COL4A5: variants seen among roughly 807,000 people sequenced by gnomAD.
The protein encoded by COL4A5 is collagen type IV alpha 5 chain, also known as collagen alpha-5(IV) chain.
COL4A5 carries 26 observed loss-of-function variants against 130.2 expected under a neutral mutation model. That is an observed-to-expected ratio of 0.20 (90% CI 0.15 to 0.28). COL4A5 has a LOEUF of 0.28. COL4A5 is among the 10% of genes least tolerant of loss of function. The pLI is 1.00. For synonymous variants in COL4A5, 496 were observed against 439.6 expected (o/e 1.13, Z -1.60); for missense variants, 1,131 against 1,344.3 (o/e 0.84, Z 2.48).
rs764505854 is a variant in COL4A5 at position 108,453,424 on chromosome X, C to T, written c.81+13218C>T. Among the ~76,000 whole-genome samples the T allele has an allele frequency of 6.3e-5, 7 of 111,559 alleles. No homozygotes were observed. In the South Asian group the frequency reaches 2.6e-3, roughly 42 times the overall value. ...ATCTACAAAAAAAGTAAAATAATCTCTCTTCCCACTATTTTTTTTTGTTTT... is the reference window on the plus strand; with the variant it reads ...ATCTACAAAAAAAGTAAAATAATCTTTCTTCCCACTATTTTTTTTTGTTTT... On this transcript the variant is annotated intron_variant, in intron 1 of 52. Coordinates refer to ENST00000328300, the MANE Select transcript of COL4A5 (RefSeq NM_033380.3).
chrX:108,610,485 C>T (rs1270767764), intron 29 of COL4A5, among the ~76,000 whole-genome samples: 10 of 111,966 alleles, frequency 8.9e-5, no homozygotes, highest in Non-Finnish European at 1.9e-5. Flanking sequence ...AACTGTAACA[C>T]TCAAAGTTAC....
chrX:108,596,622 C>T (rs2066520873), intron 22 of COL4A5, among the ~76,000 whole-genome samples: 1 of 111,753 alleles, frequency 8.9e-6, no homozygotes, highest in African/African-American at 3.3e-5. Flanking sequence ...TAAGTCAGAA[C>T]AAAGATATTC....
intron 1 of COL4A5, among the ~76,000 whole-genome samples, chrX:108,459,786 C>T (rs1165478657): frequency 2.7e-5 from 3 of 111,834 alleles, no homozygotes; most frequent in Non-Finnish European, 3.8e-5. Flanking sequence ...ATCTATTTAA[C>T]TATAGCATAG....
Position 108,577,100 on chromosome X carries a change from G to C in COL4A5, c.610-852G>C, listed in dbSNP as rs145916673. ...AAATGCCACCAAGAGGCCAGGTGCT[G>C]TGGCTCATGCCTGTAATCCCGGCAC... On this transcript the variant is annotated intron_variant, in intron 10 of 52. Coordinates refer to ENST00000328300, the MANE Select transcript of COL4A5 (RefSeq NM_033380.3). Among the ~76,000 whole-genome samples the C allele has an allele frequency of 1.7e-4, 19 of 109,909 alleles. No homozygotes were observed. In the East Asian group the frequency reaches 5.5e-3, roughly 32 times the overall value.
chrX:108,637,890 G>A (rs1377746050), intron 36 of COL4A5, among the ~76,000 whole-genome samples: 1 of 104,703 alleles, frequency 9.6e-6, no homozygotes, highest in Admixed American at 1.0e-4. Flanking sequence ...TCGCTATGTT[G>A]CCCATGCTGG....
chrX:108,553,148 G>A (rs1156761601), intron 2 of COL4A5, among the ~76,000 whole-genome samples: 1 of 111,110 alleles, frequency 9.0e-6, no homozygotes, highest in Non-Finnish European at 1.9e-5. Context: ...GGAAACAAAG[G>A]GGAAAATCCT....
At chrX:108,626,956 A>C in intron 36 of COL4A5, 1 of 744,782 alleles carries the variant, frequency 1.3e-6, no homozygotes, top group Middle Eastern at 7.7e-4. Context: ...CAGACCACAG[A>C]CCTAAAAAGT....
chrX:108,679,228 T>C (rs946024779), intron 44 of COL4A5, among the ~76,000 whole-genome samples: 1 of 112,254 alleles, frequency 8.9e-6, no homozygotes, highest in African/African-American at 3.2e-5. Context: ...CACATTAAGA[T>C]AGTGCAAATA....
In COL4A5 at chrX:108,696,359, T is replaced by C. The variant is rs2068733750; in HGVS notation, c.5057T>C (p.Val1686Ala). The C allele has an allele frequency of 8.3e-7, 1 of 1,205,262 alleles. No individual in the cohort carries two copies. The highest frequency in any genetic ancestry group is 1.1e-6 in the Non-Finnish European group (1 of 891,018). ...AGGACACGAATTAGCCGATGTCAAG[T>C]GTGCATGAAGAGGACATAACATTTT... is the stretch of plus-strand genomic sequence containing the variant. ...DLRTRISRCQ[V>A]CMKRT is the part of the protein sequence containing the mutation. Residue 1686 changes from valine (V) to alanine (A), a missense_variant, in exon 53 of 53, where the codon GTG becomes GCG. By Grantham distance (64) the Val-to-Ala change is moderately conservative (BLOSUM62 0). Transcript: ENST00000328300.
intron 21 of COL4A5, among the ~76,000 whole-genome samples, chrX:108,593,639 A>T (rs1371323528): frequency 9.0e-6 from 1 of 111,376 alleles, no homozygotes; most frequent in Non-Finnish European, 1.9e-5. Context: ...ATGGATGTCC[A>T]GTTGACTCAG....
chrX:108,453,117 C>G (rs773346512), intron 1 of COL4A5, among the ~76,000 whole-genome samples: 4 of 111,507 alleles, frequency 3.6e-5, no homozygotes, highest in Admixed American at 1.9e-4. Context: ...TGTTTGTATG[C>G]TGGATTACAT....
intron 2 of COL4A5, among the ~76,000 whole-genome samples, chrX:108,544,404 A>T (rs1386708918): frequency 8.9e-6 from 1 of 112,221 alleles, no homozygotes; most frequent in Non-Finnish European, 1.9e-5. Flanking sequence ...TATATGCTGG[A>T]TTACATTTAT....
Position 108,536,116 on chromosome X carries a change from G to T in COL4A5, c.82-3630G>T, listed in dbSNP as rs191024882. 6.2e-3 allele frequency among the ~76,000 whole-genome samples: 689 copies of T among 111,326 alleles called. 1 individual carries two copies. Among genetic ancestry groups the T allele is most frequent in the Non-Finnish European group, 0.01 (548 of 52,845 alleles). On this transcript the variant is annotated intron_variant, in intron 1 of 52. Coordinates refer to ENST00000328300, the MANE Select transcript of COL4A5 (RefSeq NM_033380.3). ...ATTCATACAGAATTTGTTTTTATTT[G>T]TACTTTTAAGTCTAATATCTGCTGT...
At chrX:108,552,210 A>G (rs1603274059) in intron 2 of COL4A5, among the ~76,000 whole-genome samples, 2 of 110,039 alleles carry the variant, frequency 1.8e-5, no homozygotes, top group Non-Finnish European at 1.9e-5. Context: ...AAAAGTAGGT[A>G]AAAAAAAAAT....
intron 1 of COL4A5, among the ~76,000 whole-genome samples, chrX:108,474,105 T>C (rs901699984): frequency 5.4e-5 from 6 of 111,324 alleles, no homozygotes; most frequent in Non-Finnish European, 1.1e-4. Flanking sequence ...GTAGCCTAAG[T>C]GTACAGGGTT....
intron 19 of COL4A5, 125 bp from the exon 20 acceptor site, chrX:108,590,933 A>G: frequency 1.5e-6 from 1 of 646,946 alleles, no homozygotes; most frequent in Middle Eastern, 5.1e-4. Context: ...TGAGTCTCAT[A>G]GAAAAAAAAT....
chrX:108,525,121 T>G (rs2065300519), intron 1 of COL4A5, among the ~76,000 whole-genome samples: 1 of 111,853 alleles, frequency 8.9e-6, no homozygotes, highest in Admixed American at 9.5e-5. Flanking sequence ...TTGAATTGTC[T>G]ATTTCTTACT....
At chrX:108,659,487 G>A (rs2067910577) in intron 37 of COL4A5, among the ~76,000 whole-genome samples, 1 of 110,633 alleles carries the variant, frequency 9.0e-6, no homozygotes, top group Admixed American at 9.6e-5. Context: ...CTGAGAGGTA[G>A]GTGTTAAAAT....
At chrX:108,600,535 T>C (rs1010205551) in intron 25 of COL4A5, among the ~76,000 whole-genome samples, 2 of 111,577 alleles carry the variant, frequency 1.8e-5, no homozygotes, top group African/African-American at 6.5e-5. Flanking sequence ...AGTTTGATTT[T>C]TAATGCTCTT....
Sources: allele counts gnomAD v4.1 joint callset (sites outside exome capture counted in the v4.1 genomes callset), GRCh38; gene constraint gnomAD v4.1.1; transcripts MANE v1.5; gene names NCBI Gene and HGNC (gene_info 2026-07-23, HGNC 2026-07-21).